Variants in GRM7 observed in about 807,000 individuals in gnomAD.
GRM7 encodes glutamate metabotropic receptor 7.
A neutral mutation model predicts 84.5 loss-of-function variants in GRM7; 35 were observed. The ratio of observed to expected loss-of-function variants is 0.41; its 90% CI spans 0.32 to 0.55. The LOEUF is 0.55. GRM7 is among the 20% of genes least tolerant of loss of function. GRM7 has a pLI of 0.19. For missense variants in GRM7, 1,003 were observed against 1,194.6 expected, an observed-to-expected ratio of 0.84 and a Z score of 2.36; for synonymous variants, 487 against 455.1, an observed-to-expected ratio of 1.07 and a Z score of -0.89.
At chr3:7,268,919 A>G (rs140695629) in intron 2 of GRM7, among the ~76,000 whole-genome samples, 50 of 152,304 alleles carry the variant, frequency 3.3e-4, no homozygotes, top group East Asian at 7.7e-4. Context: ...ATGGCCTCCT[A>G]TAAGTTTCAT....
intron 2 of GRM7, among the ~76,000 whole-genome samples, chr3:7,161,495 A>G (rs1694624367): frequency 6.6e-6 from 1 of 152,110 alleles, no homozygotes; most frequent in East Asian, 1.9e-4. Context: ...TTTATACTAC[A>G]GGAATAAAAC....
At chr3:7,173,760 G>A (rs576243585) in intron 2 of GRM7, among the ~76,000 whole-genome samples, 26 of 152,242 alleles carry the variant, frequency 1.7e-4, no homozygotes, top group African/African-American at 6.0e-4. Context: ...TCAGAGCTTG[G>A]CTCAGATTTC....
At chr3:6,948,526 A>G (rs1248274239) in intron 1 of GRM7, among the ~76,000 whole-genome samples, 1 of 152,202 alleles carries the variant, frequency 6.6e-6, no homozygotes, top group Non-Finnish European at 1.5e-5. Flanking sequence ...AAGAATGTAT[A>G]TTCTGTTGAT....
At chr3:7,711,125 A>G (rs1701562364) in intron 9 of GRM7, among the ~76,000 whole-genome samples, 4 of 152,210 alleles carry the variant, frequency 2.6e-5, no homozygotes, top group Admixed American at 1.3e-4. Flanking sequence ...TCTTTACCCA[A>G]GTGGCACTTA....
intron 7 of GRM7, chr3:7,559,286 G>A (rs1333325662): frequency 3.3e-5 from 5 of 152,312 alleles, no homozygotes; most frequent in South Asian, 4.1e-4. Context: ...ACTGAAGGGA[G>A]GAGAAACTTT....
At chr3:7,502,032 C>G (rs564185837) in intron 7 of GRM7, among the ~76,000 whole-genome samples, 3 of 152,178 alleles carry the variant, frequency 2.0e-5, no homozygotes, top group Admixed American at 2.0e-4. Context: ...TGGACTCAAT[C>G]AAAACTGGAC....
chr3:7,311,978 G>T (rs1194332874), intron 4 of GRM7, among the ~76,000 whole-genome samples: 1 of 152,154 alleles, frequency 6.6e-6, no homozygotes, highest in East Asian at 1.9e-4. Context: ...GCTTTTACCT[G>T]TAAGAAATGT....
At chr3:7,257,202 T>C (rs955846600) in intron 2 of GRM7, among the ~76,000 whole-genome samples, 1 of 152,192 alleles carries the variant, frequency 6.6e-6, no homozygotes. Context: ...GAAGGGTGTT[T>C]TCTATGGAAG....
At chr3:7,297,093 C>T (rs1350916070) in intron 2 of GRM7, among the ~76,000 whole-genome samples, 1 of 151,862 alleles carries the variant, frequency 6.6e-6, no homozygotes, top group East Asian at 1.9e-4. Context: ...GTTTACGTTG[C>T]TGATTTTAGA....
intron 6 of GRM7, among the ~76,000 whole-genome samples, chr3:7,458,071 A>C (rs1307128824): frequency 6.6e-6 from 1 of 152,230 alleles, no homozygotes; most frequent in Non-Finnish European, 1.5e-5. Context: ...TAAAATGAGA[A>C]CAGAAAATGT....
chr3:7,312,676 T>G (rs900005100), intron 4 of GRM7, among the ~76,000 whole-genome samples: 4 of 152,130 alleles, frequency 2.6e-5, no homozygotes, highest in African/African-American at 9.7e-5. Flanking sequence ...TTCCCTGCAG[T>G]TAGAGGATGA....
chr3:7,230,942 A>G (rs1186291453), intron 2 of GRM7, among the ~76,000 whole-genome samples: 2 of 152,208 alleles, frequency 1.3e-5, no homozygotes, highest in African/African-American at 4.8e-5. Context: ...CAATTGGACC[A>G]CCAGAAACAG....
intron 7 of GRM7, among the ~76,000 whole-genome samples, chr3:7,511,940 G>A (rs1169897011): frequency 6.6e-6 from 1 of 152,116 alleles, no homozygotes; most frequent in African/African-American, 2.4e-5. Flanking sequence ...CCAGTAGTTT[G>A]AGAGAAGCCT....
At chr3:7,352,057 C>CCACACACACA (rs56873432) in intron 4 of GRM7, among the ~76,000 whole-genome samples, 11,010 of 136,824 alleles carry the variant, frequency 0.08, 498 homozygotes, top group Non-Finnish European at 0.091. Context: ...CACACACACA[C>CCACACACACA]CACACACACA....
chr3:7,413,733 T>C (rs1357305802), intron 4 of GRM7, among the ~76,000 whole-genome samples: 2 of 152,120 alleles, frequency 1.3e-5, no homozygotes, highest in African/African-American at 2.4e-5. Context: ...ATGGAGCGTC[T>C]AGTAGAGAAA....
At chr3:7,632,397 G>T (rs1053270032) in intron 8 of GRM7, among the ~76,000 whole-genome samples, 2 of 152,212 alleles carry the variant, frequency 1.3e-5, no homozygotes, top group East Asian at 1.9e-4. Flanking sequence ...AACACAAAAA[G>T]TAAAGGAATA....
At chr3:7,086,623 C>T (rs1391765544) in intron 1 of GRM7, among the ~76,000 whole-genome samples, 1 of 152,182 alleles carries the variant, frequency 6.6e-6, no homozygotes, top group East Asian at 1.9e-4. Context: ...TCCACATCAA[C>T]GTATCCTGCT....
At chr3:7,266,183 C>T (rs1017713915) in intron 2 of GRM7, among the ~76,000 whole-genome samples, 6 of 152,164 alleles carry the variant, frequency 3.9e-5, no homozygotes, top group Non-Finnish European at 5.9e-5. Flanking sequence ...GTAAAAAATA[C>T]TAGTTCATTG....
At chr3:7,360,700 T>C (rs1226358116) in intron 4 of GRM7, among the ~76,000 whole-genome samples, 1 of 152,162 alleles carries the variant, frequency 6.6e-6, no homozygotes, top group Non-Finnish European at 1.5e-5. Flanking sequence ...TTTATCAATC[T>C]GTAAGGTTTC....
Sources: gnomAD v4.1 joint callset for allele counts (sites outside exome capture counted in the v4.1 genomes callset) on GRCh38, gnomAD v4.1.1 for gene constraint, MANE v1.5 for transcripts, NCBI Gene and HGNC (gene_info 2026-07-23, HGNC 2026-07-21) for gene names.